Variants in CADM2 observed in about 807,000 individuals in gnomAD.
CADM2 encodes the protein cell adhesion molecule 2.
Under a neutral mutation model 49.8 loss-of-function variants are expected in CADM2, and 12 were observed. The ratio of observed to expected loss-of-function variants is 0.24; its 90% CI spans 0.15 to 0.39. The LOEUF is 0.39. Among genes scored for constraint, CADM2 ranks in the 10% least tolerant of loss-of-function variants. CADM2 has a pLI of 1.00. For missense variants in CADM2, 378 were observed against 492.3 expected (o/e 0.77, Z 2.20); for synonymous variants, 214 against 175.4 (o/e 1.22, Z -1.74).
At chr3:85,174,915 C>T (rs745677284) in intron 1 of CADM2, among the ~76,000 whole-genome samples, 2 of 152,138 alleles carry the variant, frequency 1.3e-5, no homozygotes, top group Non-Finnish European at 2.9e-5. Context: ...TCGACAATAA[C>T]AGCAACATCA....
chr3:85,344,890 G>C (rs180919702), intron 1 of CADM2, among the ~76,000 whole-genome samples: 7 of 152,124 alleles, frequency 4.6e-5, no homozygotes, highest in Admixed American at 4.6e-4. Flanking sequence ...AATAACCTAA[G>C]AACCTGGTAG....
intron 1 of CADM2, among the ~76,000 whole-genome samples, chr3:85,715,907 C>G (rs560911918): frequency 1.7e-4 from 26 of 152,232 alleles, no homozygotes; most frequent in African/African-American, 5.5e-4. Flanking sequence ...GTCTAACATT[C>G]ATGGGCATTT....
intron 1 of CADM2, among the ~76,000 whole-genome samples, chr3:85,684,009 T>A (rs1360379522): frequency 6.6e-6 from 1 of 152,158 alleles, no homozygotes; most frequent in Non-Finnish European, 1.5e-5. Flanking sequence ...AGCATATATA[T>A]CCTGGATACA....
intron 1 of CADM2, among the ~76,000 whole-genome samples, chr3:85,449,197 CAG>C (rs1326563880): frequency 6.7e-6 from 1 of 149,980 alleles, no homozygotes; most frequent in East Asian, 1.9e-4. Context: ...TTTTTTTCAC[CAG>C]AGTCACAAAG....
At chr3:85,297,621 C>G (rs2106969997) in intron 1 of CADM2, among the ~76,000 whole-genome samples, 1 of 152,062 alleles carries the variant, frequency 6.6e-6, no homozygotes, top group Non-Finnish European at 1.5e-5. Context: ...GCCTTGTCCT[C>G]ACTTTATTTT....
At chr3:86,021,793 T>C (rs1733221671) in intron 8 of CADM2, among the ~76,000 whole-genome samples, 1 of 152,026 alleles carries the variant, frequency 6.6e-6, no homozygotes, top group African/African-American at 2.4e-5. Flanking sequence ...TATACAAAGA[T>C]AGAGAACAAA....
rs942431266 is a variant in CADM2, at chr3:85,633,418, A to G, written c.62-93104A>G. Among the ~76,000 whole-genome samples, 7 of 152,132 alleles carry G rather than the reference A, an allele frequency of 4.6e-5. No individual in the cohort carries two copies. In the East Asian group the frequency reaches 9.7e-4, roughly 21 times the overall value. On this transcript the variant is annotated intron_variant, in intron 1 of 9. Transcript: ENST00000383699. Reference sequence around the variant, plus strand: ...GTGGTTTTGAGAAGAAAAAAAGATGATCTATTAGACTGAACCATATTAAGT... The same window carrying G: ...GTGGTTTTGAGAAGAAAAAAAGATGGTCTATTAGACTGAACCATATTAAGT...
chr3:85,189,381 C>T (rs1173389937), intron 1 of CADM2, among the ~76,000 whole-genome samples: 1 of 151,818 alleles, frequency 6.6e-6, no homozygotes, highest in Non-Finnish European at 1.5e-5. Context: ...ATTTTTCATA[C>T]CCAATAATCC....
chr3:85,417,754 T>A (rs2090145134), intron 1 of CADM2, among the ~76,000 whole-genome samples: 1 of 152,158 alleles, frequency 6.6e-6, no homozygotes, highest in Non-Finnish European at 1.5e-5. Context: ...CTAGATTACT[T>A]CTGAACTCCC....
intron 1 of CADM2, among the ~76,000 whole-genome samples, chr3:85,441,658 A>G (rs139429719): frequency 1.4e-3 from 212 of 152,234 alleles, no homozygotes; most frequent in Non-Finnish European, 2.2e-3. Flanking sequence ...GAAAATACAA[A>G]CAACCACATA....
At chr3:85,687,882 G>A (rs1407603256) in intron 1 of CADM2, among the ~76,000 whole-genome samples, 2 of 152,150 alleles carry the variant, frequency 1.3e-5, no homozygotes, top group African/African-American at 4.8e-5. Context: ...GCGGGCGAGC[G>A]AGCATTACTG....
chr3:85,869,507 G>C (rs2075839916), intron 3 of CADM2, among the ~76,000 whole-genome samples: 1 of 151,994 alleles, frequency 6.6e-6, no homozygotes, highest in Admixed American at 6.6e-5. Context: ...ATTAATCACA[G>C]GTGGTCCCAT....
At chr3:85,831,028 C>G (rs1293064856) in intron 3 of CADM2, among the ~76,000 whole-genome samples, 4 of 151,636 alleles carry the variant, frequency 2.6e-5, no homozygotes, top group African/African-American at 7.3e-5. Context: ...GTCTCGTGTT[C>G]CCATCGTTAT....
intron 1 of CADM2, among the ~76,000 whole-genome samples, chr3:85,434,974 T>C (rs918130518): frequency 1.3e-5 from 2 of 152,156 alleles, no homozygotes; most frequent in African/African-American, 4.8e-5. Flanking sequence ...CAGTAATTTA[T>C]ATTTGAAAAT....
intron 1 of CADM2, among the ~76,000 whole-genome samples, chr3:85,020,350 AC>A (rs1185908158): frequency 1.3e-5 from 2 of 152,206 alleles, no homozygotes; most frequent in Non-Finnish European, 2.9e-5. Context: ...CTTAGATTAA[AC>A]TTTTCCACAT....
At chr3:85,571,781 A>G (rs1005721448) in intron 1 of CADM2, among the ~76,000 whole-genome samples, 1 of 152,192 alleles carries the variant, frequency 6.6e-6, no homozygotes, top group Non-Finnish European at 1.5e-5. Flanking sequence ...ATTGATGGGC[A>G]AGTCAATGAC....
chr3:85,738,059 G>C (rs562860671), intron 2 of CADM2, among the ~76,000 whole-genome samples: 1 of 152,162 alleles, frequency 6.6e-6, no homozygotes, highest in Admixed American at 6.5e-5. Context: ...TCACCAAATA[G>C]TTCCTGAAGT....
At chr3:85,108,801 A>T (rs185535459) in intron 1 of CADM2, among the ~76,000 whole-genome samples, 141 of 152,296 alleles carry the variant, frequency 9.3e-4, no homozygotes, top group African/African-American at 3.3e-3. Flanking sequence ...ACATGTTTTT[A>T]AGTTAAGGAG....
intron 2 of CADM2, among the ~76,000 whole-genome samples, chr3:85,734,125 GA>G (rs1008614486): frequency 6.6e-6 from 1 of 151,922 alleles, no homozygotes; most frequent in South Asian, 2.1e-4. Flanking sequence ...TATTTTTAAT[GA>G]AAAAAATTAA....
Sources: allele counts gnomAD v4.1 joint callset (sites outside exome capture counted in the v4.1 genomes callset), GRCh38; gene constraint gnomAD v4.1.1; transcripts MANE v1.5; gene names NCBI Gene and HGNC (gene_info 2026-07-23, HGNC 2026-07-21).